Variants in SRGAP2B observed in about 807,000 individuals in gnomAD.
SRGAP2B encodes the protein SLIT-ROBO Rho GTPase-activating protein 2B.
In SRGAP2B, 9 loss-of-function variants were observed where a neutral mutation model predicts 22.2. The ratio of observed to expected loss-of-function variants is 0.41; its 90% confidence interval spans 0.24 to 0.71. SRGAP2B has a LOEUF of 0.71. Ranked by LOEUF, SRGAP2B falls within the 30% of genes least tolerant of loss-of-function variation. The probability of loss-of-function intolerance (pLI) is 0.35; values close to 1 mark genes in which losing one functional copy is unlikely to be tolerated. For missense variants in SRGAP2B, 114 were observed against 235.8 expected (o/e 0.48, Z 3.38); for synonymous variants, 36 against 87.4 (o/e 0.41, Z 3.28).
chr1:145,041,089 A>ATATATAG (rs1553627472), intron 2 of SRGAP2B, among the ~76,000 whole-genome samples: 14 of 118,502 alleles, frequency 1.2e-4, no homozygotes, highest in Non-Finnish European at 2.4e-4. Flanking sequence ...ATATATATAT[A>ATATATAG]TATATATATA....
chr1:144,976,772 C>T (rs1160454529), intron 3 of SRGAP2B, among the ~76,000 whole-genome samples: 1 of 81,234 alleles, frequency 1.2e-5, no homozygotes, highest in African/African-American at 7.2e-5. Flanking sequence ...AGGATTATAA[C>T]CTGTTGAATA....
intron 1 of SRGAP2B, among the ~76,000 whole-genome samples, chr1:145,093,668 C>A (rs1403210874): frequency 8.2e-5 from 12 of 146,250 alleles, no homozygotes; most frequent in Non-Finnish European, 1.3e-4. Flanking sequence ...CCTGCGCGGG[C>A]TCCGGGCGGG....
rs1340694809 is a variant in SRGAP2B, at chr1:144,984,362, C to CA, written c.260+10645dup. ...ACAACAACAACAACAACAACAACAACAACAAAAAAAAAAAAACAAAAAAGC... is the reference window on the plus strand; with the variant it reads ...ACAACAACAACAACAACAACAACAACAAACAAAAAAAAAAAAACAAAAAAGC... On this transcript the variant is annotated intron_variant, in intron 3 of 9. Coordinates refer to ENST00000612199, the Ensembl canonical transcript of SRGAP2B. 4.6e-4 allele frequency among the ~76,000 whole-genome samples: 51 copies of CA among 111,162 alleles called. 2 individuals carry two copies. Among genetic ancestry groups the CA allele is most frequent in the East Asian group, 2.1e-3 (9 of 4,260 alleles). 72.9% of individuals were successfully genotyped at this position (111,162 alleles called of 152,430 possible).
intron 2 of SRGAP2B, among the ~76,000 whole-genome samples, chr1:145,081,332 CCATCATTAT>C (rs1553634699): frequency 6.9e-6 from 1 of 145,190 alleles, no homozygotes; most frequent in Non-Finnish European, 1.5e-5. Flanking sequence ...ACCATCATCA[CCATCATTAT>C]TATAAGGGCC....
intron 2 of SRGAP2B, among the ~76,000 whole-genome samples, chr1:145,015,682 C>T (rs1672369513): frequency 6.8e-6 from 1 of 146,476 alleles, no homozygotes; most frequent in Admixed American, 6.8e-5. Context: ...CAGCCAACAG[C>T]ATGTTCAAAG....
intron 3 of SRGAP2B, among the ~76,000 whole-genome samples, chr1:144,985,694 T>A (rs1249567500): frequency 6.7e-6 from 1 of 149,932 alleles, no homozygotes; most frequent in Non-Finnish European, 1.5e-5. Context: ...GCATAATACT[T>A]TACCACTGCT....
chr1:144,940,675 C>T (rs1209484100), intron 4 of SRGAP2B, among the ~76,000 whole-genome samples: 5 of 147,724 alleles, frequency 3.4e-5, no homozygotes, highest in South Asian at 2.1e-4. Context: ...TGGTAGCCCA[C>T]GCCTGTAATC....
chr1:144,958,366 T>C (rs1289294584), intron 3 of SRGAP2B, among the ~76,000 whole-genome samples: 1 of 150,722 alleles, frequency 6.6e-6, no homozygotes, highest in African/African-American at 2.5e-5. Flanking sequence ...GCTAATAAGT[T>C]TTATTGAGAA....
chr1:145,044,783 A>G (rs1159294433), intron 2 of SRGAP2B, among the ~76,000 whole-genome samples: 1 of 139,532 alleles, frequency 7.2e-6, no homozygotes, highest in African/African-American at 2.7e-5. Context: ...AGACTAGGAT[A>G]TGAGGGGTAA....
Position 145,083,188 on chromosome 1 carries a change from C to CT in SRGAP2B, c.67+9646dup, listed in dbSNP as rs587737936. On this transcript the variant is annotated intron_variant, in intron 2 of 9. Coordinates refer to ENST00000612199, the Ensembl canonical transcript of SRGAP2B. ...CGCACAGGGGAGCAGGGAAGGCTTCCTGGAGGGGTGGCATCTGAGCTGCTT... is the reference window on the plus strand; with the variant it reads ...CGCACAGGGGAGCAGGGAAGGCTTCCTTGGAGGGGTGGCATCTGAGCTGCTT... Among the ~76,000 whole-genome samples the CT allele has an allele frequency of 4.6e-3, 668 of 144,494 alleles. 22 individuals carry two copies. The highest frequency in any genetic ancestry group is 6.9e-3 in the Middle Eastern group (2 of 290). The allele number at this position is 144,494 out of a possible 152,430, so 94.8% of individuals were successfully genotyped here. A position where few individuals can be genotyped will look rare whatever the true frequency, so the allele number is the denominator to read the frequency against.
intron 7 of SRGAP2B, among the ~76,000 whole-genome samples, chr1:144,902,740 C>A (rs1309005288): frequency 7.3e-6 from 1 of 137,682 alleles, no homozygotes; most frequent in Non-Finnish European, 1.5e-5. Flanking sequence ...CCAGCCTGGG[C>A]GACAGAGAGA....
intron 3 of SRGAP2B, among the ~76,000 whole-genome samples, chr1:144,984,610 T>C (rs587773844): frequency 1.3e-5 from 2 of 149,614 alleles, no homozygotes; most frequent in African/African-American, 5.1e-5. Flanking sequence ...GTCTGGCACA[T>C]GGTAAGAAGA....
chr1:144,955,098 G>T lies in SRGAP2B; in HGVS notation c.423+341C>A, dbSNP rs587706671. ...AGCCCTGGGTTTATACCTTGCAAAT[G>T]GTTCCTTTCCCAAGGCTACTATTAA... On this transcript the variant is annotated intron_variant, in intron 4 of 9. Coordinates refer to ENST00000612199, the Ensembl canonical transcript of SRGAP2B. 4.0e-5 allele frequency among the ~76,000 whole-genome samples: 6 copies of T among 150,354 alleles called. No homozygotes were observed. In the East Asian group the frequency reaches 5.8e-4, roughly 15 times the overall value.
At chr1:144,933,391 G>A (rs373521747) in intron 4 of SRGAP2B, among the ~76,000 whole-genome samples, 14 of 149,680 alleles carry the variant, frequency 9.4e-5, no homozygotes, top group Admixed American at 6.6e-4. Context: ...CAGAAACCCA[G>A]TAAGACTCCA....
chr1:144,973,147 G>A (rs1197501295), intron 3 of SRGAP2B, among the ~76,000 whole-genome samples: 2 of 149,270 alleles, frequency 1.3e-5, no homozygotes, highest in Non-Finnish European at 2.9e-5. Flanking sequence ...GAAAATCTCA[G>A]AGTACATCAC....
In SRGAP2B at chr1:144,939,677, G is replaced by C. The variant is rs1286350293; in HGVS notation, c.423+15762C>G. On this transcript the variant is annotated intron_variant, in intron 4 of 9. Coordinates refer to ENST00000612199, the Ensembl canonical transcript of SRGAP2B. Reference sequence around the variant, plus strand: ...TGGTTATTTGTGGTCCTGAATTTGAGTAAAGCAATACTTTTTTTTTTTCCT... The same window carrying C: ...TGGTTATTTGTGGTCCTGAATTTGACTAAAGCAATACTTTTTTTTTTTCCT... Among the ~76,000 whole-genome samples the C allele has an allele frequency of 8.7e-5, 13 of 149,452 alleles. 3 individuals carry two copies. Among genetic ancestry groups the C allele is most frequent in the African/African-American group, 3.3e-4 (13 of 39,480 alleles).
At chr1:144,904,235 C>G (rs1172496837) in intron 7 of SRGAP2B, among the ~76,000 whole-genome samples, 1 of 148,974 alleles carries the variant, frequency 6.7e-6, no homozygotes, top group Admixed American at 6.7e-5. Flanking sequence ...TATCTAGCAA[C>G]TGGAGACAGC....
chr1:145,073,002 G>A (rs1364063065), intron 2 of SRGAP2B, among the ~76,000 whole-genome samples: 5 of 148,244 alleles, frequency 3.4e-5, no homozygotes, highest in Non-Finnish European at 5.9e-5. Context: ...ACCCTCATAA[G>A]GGGCCTCCAA....
intron 2 of SRGAP2B, among the ~76,000 whole-genome samples, chr1:145,069,846 T>A: frequency 6.8e-6 from 1 of 147,562 alleles, no homozygotes; most frequent in East Asian, 2.0e-4. Flanking sequence ...GAAACTTGAG[T>A]TGTTCCCTGC....
Sources: allele counts gnomAD v4.1 joint callset (sites outside exome capture counted in the v4.1 genomes callset), GRCh38; gene constraint gnomAD v4.1.1; transcripts MANE v1.5; gene names NCBI Gene and HGNC (gene_info 2026-07-23, HGNC 2026-07-21).